SNAP25: variants seen among roughly 807,000 people sequenced by gnomAD.
SNAP25 encodes synaptosome associated protein 25.
In SNAP25, 3 loss-of-function variants were observed where a neutral mutation model predicts 28.7. The ratio of observed to expected loss-of-function variants is 0.10; its 90% CI spans 0.05 to 0.27. SNAP25 has a LOEUF of 0.27. Ranked by LOEUF, SNAP25 falls within the 10% of genes least tolerant of loss-of-function variation. The probability of loss-of-function intolerance (pLI) is 1.00; values close to 1 mark genes in which losing one functional copy is unlikely to be tolerated. For synonymous variants in SNAP25, 61 were observed against 88.1 expected, an observed-to-expected ratio of 0.69 and a Z score of 1.72; for missense variants, 117 against 278.7, an observed-to-expected ratio of 0.42 and a Z score of 4.13.
At chr20:10,294,115 A>G (rs1188271627) in intron 5 of SNAP25, among the ~76,000 whole-genome samples, 1 of 152,194 alleles carries the variant, frequency 6.6e-6, no homozygotes, top group African/African-American at 2.4e-5. Flanking sequence ...GAAATGCATG[A>G]GTGGATTGCC....
In SNAP25 at chr20:10,220,151, A is replaced by G. The variant is rs114717258; in HGVS notation, c.-64+1174A>G. Among the ~76,000 whole-genome samples, 688 of 152,292 alleles carry G rather than the reference A, an allele frequency of 4.5e-3. 6 individuals are homozygous for G. The highest frequency in any genetic ancestry group is 0.016 in the African/African-American group (645 of 41,544). ...TTATAGGGATGATACATCTCTCTCTATGTTTCCATTTGATAAAAATGTGAG... is the reference window on the plus strand; with the variant it reads ...TTATAGGGATGATACATCTCTCTCTGTGTTTCCATTTGATAAAAATGTGAG... On this transcript the variant is annotated intron_variant, in intron 1 of 7. Transcript: ENST00000254976.
At chr20:10,269,963 T>C (rs186914831) in intron 1 of SNAP25, among the ~76,000 whole-genome samples, 2 of 152,294 alleles carry the variant, frequency 1.3e-5, no homozygotes, top group East Asian at 1.9e-4. Flanking sequence ...TATATAACTA[T>C]AGGACTCCAG....
At chr20:10,253,942 G>A (rs78759329) in intron 1 of SNAP25, among the ~76,000 whole-genome samples, 2 of 152,114 alleles carry the variant, frequency 1.3e-5, no homozygotes, top group South Asian at 4.1e-4. Flanking sequence ...GGTTCCCTAC[G>A]CAGGATGTGC....
chr20:10,294,781 T>C (rs1456607759), intron 5 of SNAP25, among the ~76,000 whole-genome samples: 1 of 141,220 alleles, frequency 7.1e-6, no homozygotes, highest in Non-Finnish European at 1.5e-5. Context: ...GAAAGTCATA[T>C]AATTCATCAG....
chr20:10,234,411 A>G (rs1463318916), intron 1 of SNAP25, among the ~76,000 whole-genome samples: 1 of 152,244 alleles, frequency 6.6e-6, no homozygotes, highest in African/African-American at 2.4e-5. Flanking sequence ...TAGGCTTAAT[A>G]CTACCCACAA....
intron 1 of SNAP25, among the ~76,000 whole-genome samples, chr20:10,248,715 C>T (rs1401281323): frequency 1.3e-5 from 2 of 152,210 alleles, no homozygotes; most frequent in Non-Finnish European, 2.9e-5. Flanking sequence ...AGCCCCACTC[C>T]TCAGAGCATT....
At chr20:10,259,964 A>G (rs2063383482) in intron 1 of SNAP25, among the ~76,000 whole-genome samples, 1 of 152,338 alleles carries the variant, frequency 6.6e-6, no homozygotes, top group African/African-American at 2.4e-5. Flanking sequence ...CCAACGTCCC[A>G]TCTTATAAAT....
chr20:10,307,269 T>TA lies in SNAP25; in HGVS notation c.*1079dup, dbSNP rs1334189424. 6.6e-6 allele frequency: 1 copy of TA among 152,582 alleles called. No homozygotes were observed. Among genetic ancestry groups the TA allele is most frequent in the Non-Finnish European group, 1.5e-5 (1 of 68,020 alleles). The allele number at this position is 152,582 out of a possible 1,614,324, so 9.5% of individuals were successfully genotyped here. On this transcript the variant is annotated 3_prime_UTR_variant, in exon 8 of 8. Transcript: ENST00000254976. The stretch of plus-strand genomic sequence containing the variant: ...TTTAGTAGCTGATAAAGAAACCTTT[T>TA]AAAAAAATAATATAAATGAATGAAA...
At chr20:10,285,692 G>A (rs575954474) in intron 4 of SNAP25, among the ~76,000 whole-genome samples, 16 of 151,958 alleles carry the variant, frequency 1.1e-4, no homozygotes, top group Non-Finnish European at 2.1e-4. Context: ...CTGTGGGGGG[G>A]AACGTGCCTG....
chr20:10,299,122 C>G (rs1171639735), intron 6 of SNAP25, 146 bp from the exon 7 acceptor site: 19 of 888,146 alleles, frequency 2.1e-5, no homozygotes, highest in Non-Finnish European at 3.0e-5. Context: ...TGTATGAAAG[C>G]TAAAATGTGT....
At chr20:10,238,509 G>C (rs2062963424) in intron 1 of SNAP25, among the ~76,000 whole-genome samples, 1 of 152,154 alleles carries the variant, frequency 6.6e-6, no homozygotes. Context: ...GTAGCTTCCA[G>C]GTGGCAAAAA....
intron 1 of SNAP25, among the ~76,000 whole-genome samples, chr20:10,259,841 C>T (rs1280643281): frequency 6.6e-6 from 1 of 152,192 alleles, no homozygotes; most frequent in East Asian, 1.9e-4. Context: ...CCAGCCAGAA[C>T]CCATTCTTAT....
intron 1 of SNAP25, among the ~76,000 whole-genome samples, chr20:10,274,175 C>T (rs2063646688): frequency 6.6e-6 from 1 of 152,050 alleles, no homozygotes; most frequent in South Asian, 2.1e-4. Flanking sequence ...CGGAATAGAC[C>T]CAGTCCTTGT....
chr20:10,233,760 T>A (rs2122685693), intron 1 of SNAP25, among the ~76,000 whole-genome samples: 1 of 152,336 alleles, frequency 6.6e-6, no homozygotes, highest in South Asian at 2.1e-4. Context: ...CTTGTTCTAT[T>A]CCCTTCTTGT....
intron 5 of SNAP25, 93 bp from the exon 6 acceptor site, chr20:10,296,832 G>T (rs754010491): frequency 5.1e-6 from 8 of 1,580,668 alleles, no homozygotes; most frequent in African/African-American, 2.7e-5. Context: ...AAACTCATTC[G>T]CTTGGTTCGA....
intron 1 of SNAP25, among the ~76,000 whole-genome samples, chr20:10,228,821 A>G (rs1351185108): frequency 1.3e-5 from 2 of 152,110 alleles, no homozygotes; most frequent in Non-Finnish European, 2.9e-5. Context: ...GTTCTTTATT[A>G]TAGGTTACAT....
intron 3 of SNAP25, among the ~76,000 whole-genome samples, chr20:10,284,056 GATT>G (rs1403289999): frequency 6.6e-6 from 1 of 152,114 alleles, no homozygotes; most frequent in Non-Finnish European, 1.5e-5. Context: ...TCTCACACTA[GATT>G]ATTATGCAGA....
At chr20:10,255,950 T>C (rs1171384018) in intron 1 of SNAP25, among the ~76,000 whole-genome samples, 1 of 152,182 alleles carries the variant, frequency 6.6e-6, no homozygotes, top group African/African-American at 2.4e-5. Context: ...TAAAAAAACC[T>C]TTATGCATAG....
At chr20:10,264,172 C>A (rs1199949656) in intron 1 of SNAP25, among the ~76,000 whole-genome samples, 2 of 151,996 alleles carry the variant, frequency 1.3e-5, no homozygotes, top group African/African-American at 4.8e-5. Flanking sequence ...ACCCAGCACC[C>A]TAAAATACAA....
Sources: allele counts gnomAD v4.1 joint callset (sites outside exome capture counted in the v4.1 genomes callset), GRCh38; gene constraint gnomAD v4.1.1; transcripts MANE v1.5; gene names NCBI Gene and HGNC (gene_info 2026-07-23, HGNC 2026-07-21).